The following FAM13B variants were observed in gnomAD, a reference collection of about 807,000 sequenced individuals.
FAM13B encodes the protein family with sequence similarity 13 member B.
A neutral mutation model predicts 117.3 loss-of-function variants in FAM13B; 60 were observed. That is an observed-to-expected ratio of 0.51 (90% CI 0.42 to 0.63). FAM13B has a LOEUF of 0.63. FAM13B is among the 30% of genes least tolerant of loss of function. The probability of loss-of-function intolerance (pLI) is 0.00; values close to 1 mark genes in which losing one functional copy is unlikely to be tolerated. For synonymous variants in FAM13B, 332 were observed against 356.1 expected, an observed-to-expected ratio of 0.93 and a Z score of 0.76; for missense variants, 972 against 1,091.9, an observed-to-expected ratio of 0.89 and a Z score of 1.55.
At chr5:138,040,802 G>A (rs1561559170) in intron 1 of FAM13B, among the ~76,000 whole-genome samples, 2 of 152,176 alleles carry the variant, frequency 1.3e-5, no homozygotes, top group East Asian at 1.9e-4. Context: ...AGTGGCTCAC[G>A]CCTGTAATCC....
chr5:137,957,855 G>A (rs1222386965), intron 13 of FAM13B, among the ~76,000 whole-genome samples: 2 of 152,132 alleles, frequency 1.3e-5, no homozygotes, highest in Admixed American at 6.5e-5. Flanking sequence ...CAAGGTATAG[G>A]TGCTGGATTC....
chr5:138,005,986 C>T (rs999234601), intron 7 of FAM13B, among the ~76,000 whole-genome samples: 2 of 151,778 alleles, frequency 1.3e-5, no homozygotes, highest in African/African-American at 4.8e-5. Context: ...GCAAGCTCCG[C>T]CTCCCGGGTT....
chr5:137,948,821 T>C, intron 18 of FAM13B, 134 bp downstream of exon 18: 1 of 660,502 alleles, frequency 1.5e-6, no homozygotes, highest in Non-Finnish European at 2.6e-6. Flanking sequence ...TTAAATCATG[T>C]TTCTGAATCT....
intron 10 of FAM13B, among the ~76,000 whole-genome samples, chr5:137,968,048 C>A (rs989442670): frequency 6.6e-6 from 1 of 151,710 alleles, no homozygotes; most frequent in African/African-American, 2.4e-5. Context: ...ATGGTGAAAC[C>A]CCGTCTCTAC....
intron 7 of FAM13B, among the ~76,000 whole-genome samples, chr5:138,000,938 A>C (rs1185223233): frequency 1.1e-4 from 9 of 84,370 alleles, no homozygotes; most frequent in African/African-American, 3.5e-4. Context: ...TCAAAAAACA[A>C]AAAACAAAAA....
chr5:137,959,359 T>TA (rs895722819), intron 13 of FAM13B, among the ~76,000 whole-genome samples: 4 of 152,152 alleles, frequency 2.6e-5, no homozygotes, highest in East Asian at 1.9e-4. Context: ...GGTGACTTTT[T>TA]AAAAAAATCA....
intron 6 of FAM13B, among the ~76,000 whole-genome samples, chr5:138,009,906 A>G (rs1478314582): frequency 2.0e-5 from 3 of 152,146 alleles, no homozygotes; most frequent in South Asian, 2.1e-4. Context: ...ATTTTTAAAG[A>G]AGGCTTTTAA....
chr5:137,967,190 T>C (rs1283781893), intron 10 of FAM13B, among the ~76,000 whole-genome samples: 2 of 150,462 alleles, frequency 1.3e-5, no homozygotes, highest in Admixed American at 1.3e-4. Flanking sequence ...TGGAAACAAA[T>C]ATTTGCGACT....
chr5:137,974,301 C>T (rs1368860847), intron 10 of FAM13B, among the ~76,000 whole-genome samples: 1 of 151,814 alleles, frequency 6.6e-6, no homozygotes, highest in Non-Finnish European at 1.5e-5. Flanking sequence ...GAGTTCATGT[C>T]CTTTGCAGGG....
At chr5:137,986,142 T>G (rs2150578357) in intron 9 of FAM13B, among the ~76,000 whole-genome samples, 1 of 152,232 alleles carries the variant, frequency 6.6e-6, no homozygotes, top group Middle Eastern at 3.4e-3. Flanking sequence ...TTGTATGCAT[T>G]CTAATCATGC....
intron 11 of FAM13B, among the ~76,000 whole-genome samples, chr5:137,961,368 G>A (rs1478781712): frequency 6.6e-6 from 1 of 151,618 alleles, no homozygotes; most frequent in Non-Finnish European, 1.5e-5. Context: ...TCACTAAATG[G>A]GTCCTTATTG....
In FAM13B at chr5:138,030,714, C is replaced by G. The variant is rs948396448; in HGVS notation, c.-203+2068G>C. On this transcript the variant is annotated intron_variant, in intron 1 of 23. Coordinates refer to ENST00000689681, the MANE Select transcript of FAM13B (RefSeq NM_001385994.1). Reference sequence around the variant, plus strand: ...GGGCAACAAGAATGAAACTCCGTCCCCCCCCCCCAAAAAAAAAAATTGAAC... The same window carrying G: ...GGGCAACAAGAATGAAACTCCGTCCGCCCCCCCCAAAAAAAAAAATTGAAC... Among the ~76,000 whole-genome samples the G allele has an allele frequency of 3.6e-5, 5 of 138,668 alleles. 1 individual carries two copies. 91.0% of individuals were successfully genotyped at this position (138,668 alleles called of 152,430 possible). A position where few individuals can be genotyped will look rare whatever the true frequency, so the allele number is the denominator to read the frequency against.
intron 12 of FAM13B, 94 bp from the exon 13 acceptor site, chr5:137,959,857 T>C: frequency 8.0e-7 from 1 of 1,254,574 alleles, no homozygotes; most frequent in Non-Finnish European, 1.1e-6. Context: ...GTAGTCTTCA[T>C]TAGTTTACTG....
At chr5:138,042,532 G>GT (rs1791526515) in intron 1 of FAM13B, among the ~76,000 whole-genome samples, 1 of 151,476 alleles carries the variant, frequency 6.6e-6, no homozygotes, top group East Asian at 1.9e-4. Flanking sequence ...AGCTCCTTAA[G>GT]TTTTTAAGTT....
In FAM13B at chr5:137,987,636, A is replaced by C; in HGVS notation, c.891-20T>G. On this transcript the variant is annotated intron_variant, in intron 8 of 23. Coordinates refer to ENST00000689681, the MANE Select transcript of FAM13B (RefSeq NM_001385994.1). ...AAAATACTACAAAACAACACGTTTTAGTAAGAAGCAGTCACTCTAACTGGA... is the reference window on the plus strand; with the variant it reads ...AAAATACTACAAAACAACACGTTTTCGTAAGAAGCAGTCACTCTAACTGGA... The C allele has an allele frequency of 6.2e-7, 1 of 1,601,198 alleles. No homozygotes were observed. Among genetic ancestry groups the C allele is most frequent in the Non-Finnish European group, 8.5e-7 (1 of 1,173,234 alleles).
chr5:137,950,928 C>T (rs536143169), intron 17 of FAM13B, among the ~76,000 whole-genome samples: 211 of 152,146 alleles, frequency 1.4e-3, no homozygotes, highest in African/African-American at 4.7e-3. Flanking sequence ...TTATCTTGGC[C>T]GGGTGAGGTG....
intron 10 of FAM13B, among the ~76,000 whole-genome samples, chr5:137,976,410 A>AT (rs1774011885): frequency 6.6e-6 from 1 of 152,202 alleles, no homozygotes. Flanking sequence ...ACTAAATGCA[A>AT]TAAATTTTCT....
At chr5:138,007,591 T>G (rs1782873250) in intron 6 of FAM13B, among the ~76,000 whole-genome samples, 1 of 152,210 alleles carries the variant, frequency 6.6e-6, no homozygotes, top group Non-Finnish European at 1.5e-5. Context: ...AAATGTTGCC[T>G]TAAGATGTTA....
In FAM13B at chr5:137,953,346, C is replaced by T. The variant is rs775577457; in HGVS notation, c.1838G>A (p.Arg613Lys). Residue 613 changes from arginine to lysine, a missense_variant, in exon 16 of 24, where the codon AGA becomes AAA. Arg to Lys is a conservative substitution (Grantham distance 26). Transcript: ENST00000689681. ...ATGCTACAAACCTACCTTGCTATTTCTTTCCCTTTCAAACTGTTCCTCAAA... is the reference window on the plus strand; with the variant it reads ...ATGCTACAAACCTACCTTGCTATTTTTTTCCCTTTCAAACTGTTCCTCAAA... ...RQFEEQFERE[R>K]NSKPSYSDIA... 6.2e-7 allele frequency: 1 copy of T among 1,613,872 alleles called. No homozygotes were observed.
Sources: allele counts gnomAD v4.1 joint callset (sites outside exome capture counted in the v4.1 genomes callset), GRCh38; gene constraint gnomAD v4.1.1; transcripts MANE v1.5; gene names NCBI Gene and HGNC (gene_info 2026-07-23, HGNC 2026-07-21).